NPM1: variants seen among roughly 807,000 people sequenced by gnomAD.
The protein encoded by NPM1 is nucleophosmin 1.
NPM1 carries 1 observed loss-of-function variant against 44.1 expected under a neutral mutation model. The ratio of observed to expected loss-of-function variants is 0.02; its 90% CI spans 0.01 to 0.11. NPM1 has a LOEUF of 0.11. NPM1 is among the 10% of genes least tolerant of loss of function. The probability of loss-of-function intolerance (pLI) is 1.00; values close to 1 mark genes in which losing one functional copy is unlikely to be tolerated. For synonymous variants in NPM1, 126 were observed against 111.8 expected, an observed-to-expected ratio of 1.13 and a Z score of -0.80; for missense variants, 197 against 347.8, an observed-to-expected ratio of 0.57 and a Z score of 3.45.
chr5:171,392,378 C>T (rs907699679), intron 4 of NPM1, among the ~76,000 whole-genome samples: 9 of 152,136 alleles, frequency 5.9e-5, no homozygotes, highest in Admixed American at 3.3e-4. Context: ...GCACACTCCA[C>T]GCCTGGCTAA....
intron 6 of NPM1, among the ~76,000 whole-genome samples, chr5:171,395,668 G>C (rs536325040): frequency 2.6e-5 from 4 of 152,312 alleles, no homozygotes; most frequent in East Asian, 3.9e-4. Flanking sequence ...GTGGTGAGAT[G>C]GCAAGGGCCC....
intron 6 of NPM1, among the ~76,000 whole-genome samples, chr5:171,395,408 T>C (rs1770829520): frequency 6.6e-6 from 1 of 152,038 alleles, no homozygotes; most frequent in South Asian, 2.1e-4. Context: ...CAAGTGATTC[T>C]CCTGCCTCGG....
intron 4 of NPM1, among the ~76,000 whole-genome samples, chr5:171,392,495 C>T (rs1770627175): frequency 6.6e-6 from 1 of 152,098 alleles, no homozygotes. Context: ...CAGGCATGAG[C>T]CACCCTCCCC....
chr5:171,388,062 T>TGTGGGG, intron 1 of NPM1, 56 bp downstream of exon 1: 1 of 531,418 alleles, frequency 1.9e-6, no homozygotes, highest in Non-Finnish European at 3.6e-6. Context: ...GCGGTGAGGG[T>TGTGGGG]GGGGGTGAGG....
Position 171,410,627 on chromosome 5 carries a change from A to G in NPM1, c.*62A>G, listed in dbSNP as rs1771782076. ...TCTTATTTCATTTCTGTAACAGTTG[A>G]TATCTGGCTGTCCTTTTTATAATGC... On this transcript the variant is annotated 3_prime_UTR_variant, in exon 11 of 11. Transcript: ENST00000296930. 3 of 910,386 alleles carry G rather than the reference A, an allele frequency of 3.3e-6. No individual in the cohort carries two copies. Among genetic ancestry groups the G allele is most frequent in the Admixed American group, 2.2e-5 (1 of 45,078 alleles). 56.4% of individuals were successfully genotyped at this position (910,386 alleles called of 1,614,324 possible). A position where few individuals can be genotyped will look rare whatever the true frequency, so the allele number is the denominator to read the frequency against.
intron 9 of NPM1, 128 bp downstream of exon 9, chr5:171,405,531 T>C: frequency 1.6e-6 from 1 of 643,078 alleles, no homozygotes; most frequent in Non-Finnish European, 2.8e-6. Flanking sequence ...GTTCGTGGTA[T>C]GAATTTTTTC....
At chr5:171,406,265 TCA>T in intron 9 of NPM1, 5 of 779,734 alleles carry the variant, frequency 6.4e-6, no homozygotes, top group Non-Finnish European at 8.8e-6. Context: ...TTTCTTTTAG[TCA>T]CACTGTAAAC....
chr5:171,402,224 G>T (rs1048499553), intron 8 of NPM1, among the ~76,000 whole-genome samples: 4 of 149,888 alleles, frequency 2.7e-5, no homozygotes, highest in African/African-American at 9.8e-5. Context: ...CTTTTCAAAA[G>T]ACATACAAGT....
At chr5:171,395,854 A>G (rs1173614214) in intron 6 of NPM1, among the ~76,000 whole-genome samples, 1 of 152,160 alleles carries the variant, frequency 6.6e-6, no homozygotes, top group East Asian at 1.9e-4. Flanking sequence ...AGGCTATGTA[A>G]TGTGCATAGT....
In NPM1 at chr5:171,393,019, T is replaced by A. The variant is rs760063902; in HGVS notation, c.524+41T>A. On this transcript the variant is annotated intron_variant, in intron 6 of 10. Coordinates refer to ENST00000296930, the MANE Select transcript of NPM1 (RefSeq NM_002520.7). ...GAAACTTGATATACTTCCGGAATCT[T>A]GACAAAAAAAGGAATTTGACATAGT... 3 of 1,585,476 alleles carry A rather than the reference T, an allele frequency of 1.9e-6. No homozygotes were observed. In the East Asian group the frequency reaches 6.8e-5, roughly 36 times the overall value.
intron 8 of NPM1, 55 bp from the exon 9 acceptor site, chr5:171,405,247 T>C: frequency 1.2e-6 from 1 of 846,678 alleles, no homozygotes; most frequent in East Asian, 2.6e-5. Context: ...GAATGGGTTT[T>C]AATTAGGAAT....
In NPM1 at chr5:171,410,600, C is replaced by T. The variant is rs760396612; in HGVS notation, c.*35C>T. The T allele has an allele frequency of 3.4e-5, 45 of 1,313,320 alleles. No individual in the cohort carries two copies. The highest frequency in any genetic ancestry group is 1.7e-4 in the South Asian group (13 of 76,136). 81.4% of individuals were successfully genotyped at this position (1,313,320 alleles called of 1,614,324 possible). On this transcript the variant is annotated 3_prime_UTR_variant, in exon 11 of 11. Coordinates refer to ENST00000296930, the MANE Select transcript of NPM1 (RefSeq NM_002520.7). Reference sequence around the variant, plus strand: ...TTAAACAATTTGTTAAAAAATTTTCCGTCTTATTTCATTTCTGTAACAGTT... The same window carrying T: ...TTAAACAATTTGTTAAAAAATTTTCTGTCTTATTTCATTTCTGTAACAGTT...
intron 2 of NPM1, among the ~76,000 whole-genome samples, chr5:171,390,430 C>A (rs1450971344): frequency 6.6e-6 from 1 of 152,180 alleles, no homozygotes; most frequent in Non-Finnish European, 1.5e-5. Context: ...AGAGACTAGC[C>A]TTCTGCTCAA....
At chr5:171,401,476 A>G (rs932341382) in intron 8 of NPM1, among the ~76,000 whole-genome samples, 1 of 152,058 alleles carries the variant, frequency 6.6e-6, no homozygotes, top group African/African-American at 2.4e-5. Flanking sequence ...TCACTTTGTC[A>G]CTCAGTCTGG....
In NPM1 at chr5:171,398,446, T is replaced by TA. The variant is rs1771025046; in HGVS notation, c.525-1707_525-1706insA. Reference sequence around the variant, plus strand: ...CCAACATGATTTGTTCAAAAACTATTTTTTCCCCATTGAATGATCTTGGCA... The same window carrying TA: ...CCAACATGATTTGTTCAAAAACTATTATTTTCCCCATTGAATGATCTTGGCA... On this transcript the variant is annotated intron_variant, in intron 6 of 10. Coordinates refer to ENST00000296930, the MANE Select transcript of NPM1 (RefSeq NM_002520.7). Among the ~76,000 whole-genome samples, 6 of 152,242 alleles carry TA rather than the reference T, an allele frequency of 3.9e-5. No individual in the cohort carries two copies. The South Asian group carries it at 1.2e-3, about 32-fold the overall frequency.
At chr5:171,393,560 G>C (rs553661373) in intron 6 of NPM1, among the ~76,000 whole-genome samples, 1 of 152,198 alleles carries the variant, frequency 6.6e-6, no homozygotes, top group South Asian at 2.1e-4. Context: ...CAGTTAATAC[G>C]CACACTGGTA....
At position 171,410,721 on chromosome 5, in the gene NPM1, C is replaced by A; in HGVS notation, c.*156C>A. On this transcript the variant is annotated 3_prime_UTR_variant, in exon 11 of 11. Transcript: ENST00000296930. ...GTTCTATTGCCAAGAATGTGTTGTCCAAAATGCCTGTTTAGTTTTTAAAGA... is the reference window on the plus strand; with the variant it reads ...GTTCTATTGCCAAGAATGTGTTGTCAAAAATGCCTGTTTAGTTTTTAAAGA... 1.9e-6 allele frequency: 1 copy of A among 512,980 alleles called. No homozygotes were observed. The highest frequency in any genetic ancestry group is 3.4e-6 in the Non-Finnish European group (1 of 293,578). The allele number at this position is 512,980 out of a possible 1,614,324, so 31.8% of individuals were successfully genotyped here.
At chr5:171,394,033 TTTG>T (rs1770733039) in intron 6 of NPM1, among the ~76,000 whole-genome samples, 1 of 112,068 alleles carries the variant, frequency 8.9e-6, no homozygotes, top group African/African-American at 3.4e-5. Context: ...TGTTGCTGTT[TTTG>T]TTTTCTTTTT....
intron 6 of NPM1, among the ~76,000 whole-genome samples, chr5:171,395,267 A>G (rs1770821816): frequency 6.6e-6 from 1 of 151,902 alleles, no homozygotes; most frequent in Non-Finnish European, 1.5e-5. Flanking sequence ...AAAAGTGTAG[A>G]TATCAAGGTC....
Sources: allele counts gnomAD v4.1 joint callset (sites outside exome capture counted in the v4.1 genomes callset), GRCh38; gene constraint gnomAD v4.1.1; transcripts MANE v1.5; gene names NCBI Gene and HGNC (gene_info 2026-07-23, HGNC 2026-07-21).